Variants in CFHR2 observed in about 807,000 individuals in gnomAD.
CFHR2 encodes complement factor H related 2, also known as complement factor H-related protein 2.
CFHR2 carries 22 observed loss-of-function variants against 21.7 expected under a neutral mutation model. The observed-to-expected ratio is 1.01, with a 90% CI of 0.72 to 1.45. CFHR2 has a LOEUF of 1.45. CFHR2 is among the 40% of genes most tolerant of loss of function. The pLI, the probability that CFHR2 is intolerant of heterozygous loss-of-function variation, is 0.00. For synonymous variants in CFHR2, 98 were observed against 97.4 expected (o/e 1.01, Z -0.04); for missense variants, 294 against 293.3 (o/e 1.00, Z -0.02).
chr1:196,944,712 TTTTTAC>T (rs1178999721), intron 1 of CFHR2, among the ~76,000 whole-genome samples: 1 of 151,908 alleles, frequency 6.6e-6, no homozygotes, highest in Non-Finnish European at 1.5e-5. Context: ...TTCCAAAAAG[TTTTTAC>T]TTTACTGTTT....
At chr1:196,957,254 C>G (rs1032443375) in intron 3 of CFHR2, among the ~76,000 whole-genome samples, 2 of 151,882 alleles carry the variant, frequency 1.3e-5, no homozygotes, top group Non-Finnish European at 2.9e-5. Flanking sequence ...AGAAAACCCA[C>G]ATGACACCCT....
At chr1:196,949,712 C>G (rs1183774892) in intron 2 of CFHR2, 63 bp downstream of exon 2, 2 of 1,591,200 alleles carry the variant, frequency 1.3e-6, no homozygotes, top group Non-Finnish European at 1.7e-6. Flanking sequence ...ATATGCCAGA[C>G]AAGATCATAA....
intron 3 of CFHR2, among the ~76,000 whole-genome samples, chr1:196,952,874 A>G (rs983157969): frequency 2.0e-5 from 3 of 152,202 alleles, no homozygotes; most frequent in African/African-American, 7.2e-5. Flanking sequence ...TCAAGTTCTC[A>G]CAATATTGCT....
At position 196,958,048 on chromosome 1, in the gene CFHR2, A is replaced by T; in HGVS notation, c.588A>T (p.Gln196His). 1 of 1,613,608 alleles carries T rather than the reference A, an allele frequency of 6.2e-7. No homozygotes were observed. The highest frequency in any genetic ancestry group is 8.5e-7 in the Non-Finnish European group (1 of 1,179,634). The change falls in exon 4 of 5, where the codon CAA (glutamine) becomes CAT (histidine). Residue 196 changes from glutamine to histidine, a missense_variant. Gln to His is a conservative substitution (Grantham distance 24, BLOSUM62 0). Coordinates refer to ENST00000367415, the MANE Select transcript of CFHR2 (RefSeq NM_005666.4). ...GNNQITCRNG[Q>H]WSEPPKCLDP... is the part of the protein sequence containing the mutation. Reference sequence around the variant, plus strand: ...ATCAAATAACATGTAGAAACGGACAATGGTCAGAACCACCAAAATGCTTAG... The same window carrying T: ...ATCAAATAACATGTAGAAACGGACATTGGTCAGAACCACCAAAATGCTTAG...
At chr1:196,958,738 A>G in intron 4 of CFHR2, 143 bp from the exon 5 acceptor site, 1 of 583,828 alleles carries the variant, frequency 1.7e-6, no homozygotes. Flanking sequence ...ACTTAAATCT[A>G]TATTTTGTTT....
At position 196,944,938 on chromosome 1, in the gene CFHR2, G is replaced by T. The variant is rs539447214; in HGVS notation, c.58+1000G>T. The stretch of plus-strand genomic sequence containing the variant: ...GTTTCCCAGGCTGGAGTGCAATGGT[G>T]TGATTTCGGCTCACCACAACTTCCA... On this transcript the variant is annotated intron_variant, in intron 1 of 4. Coordinates refer to ENST00000367415, the MANE Select transcript of CFHR2 (RefSeq NM_005666.4). Among the ~76,000 whole-genome samples, 287 of 149,540 alleles carry T rather than the reference G, an allele frequency of 1.9e-3. 9 individuals carry two copies. The highest frequency in any genetic ancestry group is 6.7e-3 in the African/African-American group (273 of 40,524).
At chr1:196,956,448 T>C (rs191787300) in intron 3 of CFHR2, among the ~76,000 whole-genome samples, 307 of 152,328 alleles carry the variant, frequency 2.0e-3, no homozygotes, top group Non-Finnish European at 3.2e-3. Context: ...ATTTTTTTGT[T>C]TTCAGCTCAA....
rs189663650 is a variant in CFHR2, at chr1:196,957,865, C to T, written c.431-26C>T. 77 of 1,592,170 alleles carry T rather than the reference C, an allele frequency of 4.8e-5. No individual in the cohort carries two copies. The Admixed American group carries it at 5.7e-4, about 12-fold the overall frequency. ...GAACTTGTATTTTTATTTACTCTCC[C>T]AGTAAATCAAATGATGTTTTTTTAG... On this transcript the variant is annotated intron_variant, in intron 3 of 4. Coordinates refer to ENST00000367415, the MANE Select transcript of CFHR2 (RefSeq NM_005666.4).
At position 196,959,101 on chromosome 1, in the gene CFHR2, G is replaced by A; in HGVS notation, c.*21G>A. On this transcript the variant is annotated 3_prime_UTR_variant, in exon 5 of 5. Transcript: ENST00000367415. Reference sequence around the variant, plus strand: ...AATAGAATCAATGGCATTACTATTAGTAAAATGCACACCTTTTTCTGAATT... The same window carrying A: ...AATAGAATCAATGGCATTACTATTAATAAAATGCACACCTTTTTCTGAATT... The A allele has an allele frequency of 1.4e-6, 2 of 1,476,472 alleles. No homozygotes were observed. Among genetic ancestry groups the A allele is most frequent in the Non-Finnish European group, 1.9e-6 (2 of 1,071,128 alleles). The allele number at this position is 1,476,472 out of a possible 1,614,324, so 91.5% of individuals were successfully genotyped here. A position where few individuals can be genotyped will look rare whatever the true frequency, so the allele number is the denominator to read the frequency against.
Position 196,957,996 on chromosome 1 carries a change from A to G in CFHR2, c.536A>G (p.Gln179Arg). Residue 179 changes from glutamine to arginine, a missense_variant, in exon 4 of 5, where the codon CAG becomes CGG. Transcript: ENST00000367415. ...GGTTCATCAGTTGAGTACCAGTGCC[A>G]GAACTTGTATCAACTTGAGGGTAAC... ...APGSSVEYQC[Q>R]NLYQLEGNNQ... is the part of the protein sequence containing the mutation. The G allele has an allele frequency of 1.2e-6, 2 of 1,613,842 alleles. No homozygotes were observed. The highest frequency in any genetic ancestry group is 1.7e-6 in the Non-Finnish European group (2 of 1,179,768).
At chr1:196,951,799 A>G (rs1425287383) in intron 3 of CFHR2, among the ~76,000 whole-genome samples, 1 of 152,118 alleles carries the variant, frequency 6.6e-6, no homozygotes, top group Non-Finnish European at 1.5e-5. Context: ...ATTAGTCTCA[A>G]CTAAAGAAGA....
intron 3 of CFHR2, among the ~76,000 whole-genome samples, chr1:196,953,933 C>T (rs868419102): frequency 1.3e-5 from 2 of 151,968 alleles, no homozygotes; most frequent in Non-Finnish European, 2.9e-5. Flanking sequence ...ATGAACTAAC[C>T]ATTAATGAAA....
chr1:196,945,513 T>C (rs1273421810), intron 1 of CFHR2, among the ~76,000 whole-genome samples: 65 of 98,752 alleles, frequency 6.6e-4, no homozygotes, highest in East Asian at 1.1e-3. Flanking sequence ...TAAGTGTGTG[T>C]TACACTGTCA....
chr1:196,957,927 A>T lies in CFHR2; in HGVS notation c.467A>T (p.Asp156Val), dbSNP rs764374666. 1.2e-6 allele frequency: 2 copies of T among 1,613,342 alleles called. No individual in the cohort carries two copies. The highest frequency in any genetic ancestry group is 1.7e-6 in the Non-Finnish European group (2 of 1,179,474). The change falls in exon 4 of 5, where the codon GAC (aspartate) becomes GTC (valine). Residue 156 changes from aspartate (D) to valine (V), a missense_variant. Transcript: ENST00000367415. ...AAATGTGGGCCCCCTCCACCTATTG[A>T]CAATGGAGACATTACTTCATTCCTG... Reference protein sequence around the residue: ...AEKCGPPPPIDNGDITSFLLS... With the variant: ...AEKCGPPPPIVNGDITSFLLS...
chr1:196,953,176 T>A (rs1486796084), intron 3 of CFHR2, among the ~76,000 whole-genome samples: 1 of 152,222 alleles, frequency 6.6e-6, no homozygotes, highest in Non-Finnish European at 1.5e-5. Context: ...GGGCTGTTAT[T>A]CCGTTTACAA....
chr1:196,949,297 T>C, intron 1 of CFHR2, 158 bp from the exon 2 acceptor site: 1 of 651,072 alleles, frequency 1.5e-6, no homozygotes, highest in Non-Finnish European at 2.6e-6. Context: ...TAGTTAGTGA[T>C]GTCTTTTCAT....
rs766343808 is a variant in CFHR2 at position 196,948,587 on chromosome 1, T to C, written c.59-868T>C. On this transcript the variant is annotated intron_variant, in intron 1 of 4. Transcript: ENST00000367415. ...TACCACACCCAACCCTCTCATACAA[T>C]TTAAAGAATCTCTAGATTATTTATA... 5.3e-5 allele frequency among the ~76,000 whole-genome samples: 8 copies of C among 152,342 alleles called. No individual in the cohort carries two copies. The East Asian group carries it at 1.3e-3, about 26-fold the overall frequency.
intron 4 of CFHR2, 55 bp downstream of exon 4, chr1:196,958,128 T>C: frequency 6.6e-7 from 1 of 1,523,620 alleles, no homozygotes; most frequent in Non-Finnish European, 9.1e-7. Context: ...ATGAGTCTGA[T>C]ATTTCACTGT....
chr1:196,950,968 G>A lies in CFHR2; in HGVS notation c.370G>A (p.Glu124Lys), dbSNP rs1462847346. 1.9e-6 allele frequency: 3 copies of A among 1,614,078 alleles called. No individual in the cohort carries two copies. Among genetic ancestry groups the A allele is most frequent in the South Asian group, 2.2e-5 (2 of 91,078 alleles). The change falls in exon 3 of 5, where the codon GAG becomes AAG. Residue 124 changes from glutamate (E) to lysine (K), a missense_variant. By Grantham distance (56) the Glu-to-Lys change is moderately conservative (BLOSUM62 1). Coordinates refer to ENST00000367415, the MANE Select transcript of CFHR2 (RefSeq NM_005666.4). Reference sequence around the variant, plus strand: ...CACAGGATACAGACTTCAAAACAATGAGAACAACATTTCATGTGTAGAACG... The same window carrying A: ...CACAGGATACAGACTTCAAAACAATAAGAACAACATTTCATGTGTAGAACG... ...CNTGYRLQNN[E>K]NNISCVERGW...
Sources: allele counts gnomAD v4.1 joint callset (sites outside exome capture counted in the v4.1 genomes callset), GRCh38; gene constraint gnomAD v4.1.1; transcripts MANE v1.5; gene names NCBI Gene and HGNC (gene_info 2026-07-23, HGNC 2026-07-21).